TSPAN9: variants seen among roughly 807,000 people sequenced by gnomAD.
The protein encoded by TSPAN9 is tetraspanin 9.
Under a neutral mutation model 31.0 loss-of-function variants are expected in TSPAN9, and 16 were observed. That is an observed-to-expected ratio of 0.52 (90% confidence interval 0.35 to 0.78). The LOEUF (loss-of-function observed/expected upper bound fraction) is 0.78. Among genes scored for constraint, TSPAN9 ranks in the 30% least tolerant of loss-of-function variants. TSPAN9 has a pLI of 0.01. For missense variants in TSPAN9, 272 were observed against 312.5 expected, an observed-to-expected ratio of 0.87 and a Z score of 0.98; for synonymous variants, 145 against 121.6, an observed-to-expected ratio of 1.19 and a Z score of -1.27.
At chr12:3,118,166 C>T (rs575396780) in intron 2 of TSPAN9, among the ~76,000 whole-genome samples, 31 of 151,372 alleles carry the variant, frequency 2.0e-4, no homozygotes, top group Non-Finnish European at 3.8e-4. Context: ...GTAGAACCCC[C>T]CCGGCATGTA....
chr12:3,194,942 A>C, intron 2 of TSPAN9, among the ~76,000 whole-genome samples: 1 of 152,212 alleles, frequency 6.6e-6, no homozygotes, highest in East Asian at 1.9e-4. Flanking sequence ...CGGCAACGAA[A>C]GCATTTTCTG....
intron 3 of TSPAN9, among the ~76,000 whole-genome samples, chr12:3,224,993 C>T (rs1469159361): frequency 6.6e-6 from 1 of 152,228 alleles, no homozygotes; most frequent in Non-Finnish European, 1.5e-5. Flanking sequence ...CATCCAGCCA[C>T]TCCACTGTGT....
chr12:3,142,140 CTG>C (rs779859167), intron 2 of TSPAN9, among the ~76,000 whole-genome samples: 6 of 152,136 alleles, frequency 3.9e-5, no homozygotes, highest in Non-Finnish European at 8.8e-5. Context: ...GTCACACAGA[CTG>C]AGATTGTCAC....
chr12:3,148,384 C>T (rs1380662134), intron 2 of TSPAN9, among the ~76,000 whole-genome samples: 2 of 152,254 alleles, frequency 1.3e-5, no homozygotes, highest in Non-Finnish European at 2.9e-5. Flanking sequence ...CTGAATTTCT[C>T]AGACTCTCAG....
intron 2 of TSPAN9, among the ~76,000 whole-genome samples, chr12:3,167,792 GCTGA>G (rs1489823803): frequency 4.6e-5 from 7 of 152,306 alleles, no homozygotes; most frequent in Non-Finnish European, 1.0e-4. Flanking sequence ...AGGGGCCAGG[GCTGA>G]CTGACTTTCC....
intron 2 of TSPAN9, among the ~76,000 whole-genome samples, chr12:3,119,622 C>T (rs57796827): frequency 0.022 from 3,388 of 152,320 alleles, 114 homozygotes; most frequent in African/African-American, 0.078. Context: ...ACTGGAGGGC[C>T]TCTCTGCTGT....
At chr12:3,155,061 A>G (rs2098341542) in intron 2 of TSPAN9, among the ~76,000 whole-genome samples, 1 of 152,178 alleles carries the variant, frequency 6.6e-6, no homozygotes, top group South Asian at 2.1e-4. Context: ...TGAACTTCTG[A>G]TTTTTGGGTA....
chr12:3,128,224 G>A (rs543769703), intron 2 of TSPAN9, among the ~76,000 whole-genome samples: 2 of 152,282 alleles, frequency 1.3e-5, no homozygotes, highest in African/African-American at 4.8e-5. Context: ...GGCAGACTGA[G>A]CCAGGGATGT....
At chr12:3,112,505 A>G (rs1023799689) in intron 2 of TSPAN9, among the ~76,000 whole-genome samples, 62 of 150,822 alleles carry the variant, frequency 4.1e-4, no homozygotes, top group African/African-American at 1.5e-3. Context: ...CTCTGATTTT[A>G]TTTATTTGGG....
intron 2 of TSPAN9, among the ~76,000 whole-genome samples, chr12:3,153,894 T>C (rs952403927): frequency 3.3e-5 from 5 of 151,700 alleles, no homozygotes; most frequent in Non-Finnish European, 7.4e-5. Flanking sequence ...CTCTGTCTGT[T>C]TCTCTGTCTA....
chr12:3,196,972 C>A lies in TSPAN9; in HGVS notation c.-17-4205C>A, dbSNP rs147927647. Among the ~76,000 whole-genome samples, 374 of 152,272 alleles carry A rather than the reference C, an allele frequency of 2.5e-3. 1 individual carries two copies. The highest frequency in any genetic ancestry group is 8.1e-3 in the African/African-American group (338 of 41,548). The stretch of plus-strand genomic sequence containing the variant: ...TTAGGAAGTGGAGGGGGCCACCCTG[C>A]GAGGGCCCTCCGTGACACCAGGCCC... On this transcript the variant is annotated intron_variant, in intron 2 of 8. Coordinates refer to ENST00000011898, the MANE Select transcript of TSPAN9 (RefSeq NM_006675.5).
At chr12:3,089,492 T>TG (rs1248143167) in intron 2 of TSPAN9, among the ~76,000 whole-genome samples, 1 of 151,712 alleles carries the variant, frequency 6.6e-6, no homozygotes, top group Non-Finnish European at 1.5e-5. Flanking sequence ...AGACGGGGTT[T>TG]TACCGTGTTG....
At chr12:3,146,017 G>A (rs938360930) in intron 2 of TSPAN9, among the ~76,000 whole-genome samples, 4 of 152,236 alleles carry the variant, frequency 2.6e-5, no homozygotes, top group Non-Finnish European at 5.9e-5. Flanking sequence ...CTTCCACCAC[G>A]AGGCTCCCGC....
At chr12:3,262,628 T>C (rs7953191) in intron 3 of TSPAN9, among the ~76,000 whole-genome samples, 2,343 of 151,178 alleles carry the variant, frequency 0.015, 58 homozygotes, top group African/African-American at 0.052. Context: ...ATCCTTACCG[T>C]GTAGGGGTGG....
At chr12:3,241,763 A>G (rs1591700121) in intron 3 of TSPAN9, among the ~76,000 whole-genome samples, 1 of 151,998 alleles carries the variant, frequency 6.6e-6, no homozygotes, top group East Asian at 1.9e-4. Flanking sequence ...GGGGCTGGGG[A>G]GGCGGCTGGG....
chr12:3,157,130 C>T (rs908263337), intron 2 of TSPAN9, among the ~76,000 whole-genome samples: 1 of 147,244 alleles, frequency 6.8e-6, no homozygotes, highest in Admixed American at 6.8e-5. Context: ...GACGGAGTCT[C>T]GCTCTGTCAC....
chr12:3,128,619 C>A (rs1322362579), intron 2 of TSPAN9, among the ~76,000 whole-genome samples: 1 of 152,166 alleles, frequency 6.6e-6, no homozygotes, highest in Non-Finnish European at 1.5e-5. Flanking sequence ...CCAAGAAATA[C>A]CTTCCTGGCT....
intron 2 of TSPAN9, among the ~76,000 whole-genome samples, chr12:3,141,861 A>C (rs1171826187): frequency 6.6e-6 from 1 of 152,148 alleles, no homozygotes. Context: ...CCACATCAGA[A>C]CAAGTCACCT....
chr12:3,230,374 TC>T (rs796678983), intron 3 of TSPAN9, among the ~76,000 whole-genome samples: 3 of 151,874 alleles, frequency 2.0e-5, no homozygotes, highest in African/African-American at 4.8e-5. Flanking sequence ...CAGCCAGGCT[TC>T]CCCCTCCCTT....
Sources: allele counts gnomAD v4.1 joint callset (sites outside exome capture counted in the v4.1 genomes callset), GRCh38; gene constraint gnomAD v4.1.1; transcripts MANE v1.5; gene names NCBI Gene and HGNC (gene_info 2026-07-23, HGNC 2026-07-21).